Variants in FRAS1 observed in about 807,000 individuals in gnomAD.
The protein encoded by FRAS1 is extracellular matrix organizing protein FRAS1.
FRAS1 carries 290 observed loss-of-function variants against 435.2 expected under a neutral mutation model. That is an observed-to-expected ratio of 0.67 (90% CI 0.61 to 0.73). FRAS1 has a LOEUF of 0.73. Ranked by LOEUF, FRAS1 falls within the 30% of genes least tolerant of loss-of-function variation. FRAS1 has a pLI of 0.00. For missense variants in FRAS1, 4,860 were observed against 5,001.5 expected, an observed-to-expected ratio of 0.97 and a Z score of 0.85; for synonymous variants, 1,800 against 1,851.0, an observed-to-expected ratio of 0.97 and a Z score of 0.71.
chr4:78,388,342 A>AC (rs1233827679), intron 29 of FRAS1, among the ~76,000 whole-genome samples: 1 of 151,874 alleles, frequency 6.6e-6, no homozygotes, highest in African/African-American at 2.4e-5. Flanking sequence ...AAAAAAAAAA[A>AC]AAAACAAAAA....
chr4:78,531,737 A>G (rs1361499248), intron 70 of FRAS1, among the ~76,000 whole-genome samples: 1 of 152,202 alleles, frequency 6.6e-6, no homozygotes, highest in Non-Finnish European at 1.5e-5. Context: ...TCTGTGCATT[A>G]GACCTACCAG....
intron 2 of FRAS1, among the ~76,000 whole-genome samples, chr4:78,183,782 ATAT>A (rs1722149994): frequency 8.5e-6 from 1 of 118,262 alleles, no homozygotes; most frequent in Non-Finnish European, 2.0e-5. Flanking sequence ...GTGTTTAAAT[ATAT>A]TATAGCCATA....
At chr4:78,323,300 A>G (rs1022049639) in intron 18 of FRAS1, among the ~76,000 whole-genome samples, 1 of 152,208 alleles carries the variant, frequency 6.6e-6, no homozygotes, top group Non-Finnish European at 1.5e-5. Context: ...AAATATTACT[A>G]CTGAGTATTA....
rs2109832355 is a variant in FRAS1 at position 78,446,980 on chromosome 4, A to G, written c.6010+100A>G. 4.3e-6 allele frequency: 5 copies of G among 1,170,104 alleles called. No homozygotes were observed. The South Asian group carries it at 7.7e-5, about 18-fold the overall frequency. The allele number at this position is 1,170,104 out of a possible 1,614,324, so 72.5% of individuals were successfully genotyped here. ...CAGTTGACTATTTCTTTTCTTGTATATGGTACATTCTTTGCATCAAAGTGT... is the reference window on the plus strand; with the variant it reads ...CAGTTGACTATTTCTTTTCTTGTATGTGGTACATTCTTTGCATCAAAGTGT... On this transcript the variant is annotated intron_variant, in intron 43 of 73. Coordinates refer to ENST00000512123, the MANE Select transcript of FRAS1 (RefSeq NM_025074.7).
At chr4:78,259,952 T>C (rs1725997265) in intron 6 of FRAS1, among the ~76,000 whole-genome samples, 1 of 152,210 alleles carries the variant, frequency 6.6e-6, no homozygotes, top group Admixed American at 6.5e-5. Flanking sequence ...CAGCATCATT[T>C]ATTAAATAGG....
rs1480207102 is a variant in FRAS1, at chr4:78,108,587, C to T, written c.108+42571C>T. Among the ~76,000 whole-genome samples, 3 of 99,326 alleles carry T rather than the reference C, an allele frequency of 3.0e-5. 1 individual carries two copies. 65.2% of individuals were successfully genotyped at this position (99,326 alleles called of 152,430 possible). ...ACACCACATGCCAGAATCTCTGGGACACATTCAAAGCAGTGTGTAGAGGGA... is the reference window on the plus strand; with the variant it reads ...ACACCACATGCCAGAATCTCTGGGATACATTCAAAGCAGTGTGTAGAGGGA... On this transcript the variant is annotated intron_variant, in intron 2 of 73. Coordinates refer to ENST00000512123, the MANE Select transcript of FRAS1 (RefSeq NM_025074.7).
At chr4:78,482,294 CAAAG>C in intron 57 of FRAS1, 90 bp from the exon 58 acceptor site, 1 of 1,403,318 alleles carries the variant, frequency 7.1e-7, no homozygotes, top group African/African-American at 1.7e-5. Flanking sequence ...TTAAAACCAC[CAAAG>C]ACAGGCAAGT....
rs865947712 is a variant in FRAS1, at chr4:78,326,862, C to A, written c.2138-6410C>A. On this transcript the variant is annotated intron_variant, in intron 18 of 73. Transcript: ENST00000512123. The stretch of plus-strand genomic sequence containing the variant: ...CCAATGCTTTCATCCATCTATCCAC[C>A]CCCACACACACTACCTGGCCACCCA... 5.3e-5 allele frequency among the ~76,000 whole-genome samples: 8 copies of A among 152,096 alleles called. No homozygotes were observed. The South Asian group carries it at 1.0e-3, about 20-fold the overall frequency.
chr4:78,195,766 GCTGCACCCACTGTC>G (rs1722782304), intron 2 of FRAS1, among the ~76,000 whole-genome samples: 1 of 152,018 alleles, frequency 6.6e-6, no homozygotes, highest in Admixed American at 6.6e-5. Flanking sequence ...CACTCAGTGC[GCTGCACCCACTGTC>G]CTGCACCCAC....
chr4:78,116,950 T>G (rs1283836846), intron 2 of FRAS1, among the ~76,000 whole-genome samples: 1 of 152,206 alleles, frequency 6.6e-6, no homozygotes, highest in Non-Finnish European at 1.5e-5. Context: ...ATTTGGCATG[T>G]TTTTGCAGTG....
chr4:78,238,912 C>A (rs1278539306), intron 3 of FRAS1, among the ~76,000 whole-genome samples: 1 of 151,980 alleles, frequency 6.6e-6, no homozygotes, highest in African/African-American at 2.4e-5. Flanking sequence ...AGCTTATGAT[C>A]TAAGAGTGGC....
chr4:78,518,448 ATATATTTATTTATT>A (rs147897762), intron 66 of FRAS1, among the ~76,000 whole-genome samples: 18,443 of 134,608 alleles, frequency 0.14, 1,211 homozygotes, highest in Middle Eastern at 0.19. Flanking sequence ...ATATATATAT[ATATATTTATTTATT>A]TATTTATTTG....
intron 53 of FRAS1, 76 bp downstream of exon 53, chr4:78,473,673 G>A: frequency 1.7e-6 from 2 of 1,195,294 alleles, no homozygotes; most frequent in Admixed American, 2.3e-5. Flanking sequence ...AGGATGCTGG[G>A]GGGCAGCTCT....
chr4:78,361,654 G>A lies in FRAS1; in HGVS notation c.2423-1859G>A, dbSNP rs575616869. On this transcript the variant is annotated intron_variant, in intron 20 of 73. Coordinates refer to ENST00000512123, the MANE Select transcript of FRAS1 (RefSeq NM_025074.7). ...ATCAACAGTTAGGATCACCAACAGT[G>A]TACAGAGAAAGACCTGTTTTTAACA... Among the ~76,000 whole-genome samples the A allele has an allele frequency of 5.9e-5, 9 of 152,282 alleles. No homozygotes were observed. In the South Asian group the frequency reaches 1.9e-3, roughly 32 times the overall value.
intron 2 of FRAS1, among the ~76,000 whole-genome samples, chr4:78,161,943 T>TATTC (rs1175485535): frequency 1.3e-5 from 2 of 152,054 alleles, no homozygotes. Flanking sequence ...CATAGAAAGC[T>TATTC]GTTATAAAGA....
chr4:78,291,144 A>T (rs1391039824), intron 14 of FRAS1, among the ~76,000 whole-genome samples: 1 of 152,218 alleles, frequency 6.6e-6, no homozygotes, highest in Non-Finnish European at 1.5e-5. Flanking sequence ...TATGGGTAAA[A>T]CAGGGACATA....
At chr4:78,450,983 A>G (rs953708348) in intron 45 of FRAS1, among the ~76,000 whole-genome samples, 3 of 152,178 alleles carry the variant, frequency 2.0e-5, no homozygotes, top group Non-Finnish European at 4.4e-5. Flanking sequence ...CCCTGCGGAT[A>G]AAAAACAAGT....
intron 2 of FRAS1, among the ~76,000 whole-genome samples, chr4:78,200,066 C>T (rs888509240): frequency 4.6e-5 from 7 of 152,176 alleles, no homozygotes; most frequent in African/African-American, 1.7e-4. Flanking sequence ...GTAATAACAA[C>T]CACCATCACC....
At chr4:78,087,914 G>C (rs1385845287) in intron 2 of FRAS1, among the ~76,000 whole-genome samples, 1 of 152,012 alleles carries the variant, frequency 6.6e-6, no homozygotes, top group Admixed American at 6.5e-5. Context: ...TCACAGAATT[G>C]GAAAAAACTA....
Sources: allele counts gnomAD v4.1 joint callset (sites outside exome capture counted in the v4.1 genomes callset), GRCh38; gene constraint gnomAD v4.1.1; transcripts MANE v1.5; gene names NCBI Gene and HGNC (gene_info 2026-07-23, HGNC 2026-07-21).